Variants in FBN2 observed in about 807,000 individuals in gnomAD.
FBN2 encodes fibrillin-2.
A neutral mutation model predicts 355.6 loss-of-function variants in FBN2; 105 were observed. The ratio of observed to expected loss-of-function variants is 0.30; its 90% CI spans 0.25 to 0.35. The LOEUF is 0.35. Among genes scored for constraint, FBN2 ranks in the 10% least tolerant of loss-of-function variants. FBN2 has a pLI of 1.00. For missense variants in FBN2, 3,280 were observed against 3,758.7 expected, an observed-to-expected ratio of 0.87 and a Z score of 3.33; for synonymous variants, 1,350 against 1,301.2, an observed-to-expected ratio of 1.04 and a Z score of -0.81.
intron 8 of FBN2, among the ~76,000 whole-genome samples, chr5:128,401,251 G>A (rs1207175178): frequency 6.6e-6 from 1 of 152,076 alleles, no homozygotes; most frequent in Non-Finnish European, 1.5e-5. Context: ...ATTGAGAGGG[G>A]TTCACAAATG....
intron 5 of FBN2, among the ~76,000 whole-genome samples, chr5:128,466,962 G>A (rs115375165): frequency 0.031 from 4,716 of 152,150 alleles, 105 homozygotes; most frequent in South Asian, 0.059. Flanking sequence ...TTCTGAATAC[G>A]TGGGGAAAAG....
At position 128,332,873 on chromosome 5, in the gene FBN2, T is replaced by A. The variant is rs769811621; in HGVS notation, c.4222+39A>T. The A allele has an allele frequency of 1.9e-6, 3 of 1,608,520 alleles. No individual in the cohort carries two copies. The South Asian group carries it at 3.3e-5, about 18-fold the overall frequency. ...CATGCAAAAAAGAGCCTTTAAAAATTTGTGCCTTAGCAAAGGATATTTACA... is the reference window on the plus strand; with the variant it reads ...CATGCAAAAAAGAGCCTTTAAAAATATGTGCCTTAGCAAAGGATATTTACA... On this transcript the variant is annotated intron_variant, in intron 32 of 64. Transcript: ENST00000262464.
At chr5:128,517,630 A>G (rs570101020) in intron 5 of FBN2, among the ~76,000 whole-genome samples, 1 of 152,298 alleles carries the variant, frequency 6.6e-6, no homozygotes, top group South Asian at 2.1e-4. Context: ...TATGTGAAAA[A>G]GATTTTACTT....
rs141378717 is a variant in FBN2 at position 128,302,784 on chromosome 5, C to G, written c.5917+189G>C. On this transcript the variant is annotated intron_variant, in intron 46 of 64. Coordinates refer to ENST00000262464, the MANE Select transcript of FBN2 (RefSeq NM_001999.4). ...ACAAAAGGATTCAAGAGTATATTGT[C>G]TTGTGACAATTTAGGCCAATACTAT... Among the ~76,000 whole-genome samples, 205 of 152,172 alleles carry G rather than the reference C, an allele frequency of 1.3e-3. 1 individual carries two copies. Among genetic ancestry groups the G allele is most frequent in the African/African-American group, 4.7e-3 (194 of 41,540 alleles).
rs550135073 is a variant in FBN2 at position 128,516,798 on chromosome 5, C to T, written c.628+2475G>A. ...CAACATAAGTGAGTTACTCTTTTTG[C>T]ATCCACACAGACACAATGTTTCTTG... On this transcript the variant is annotated intron_variant, in intron 5 of 64. Transcript: ENST00000262464. Among the ~76,000 whole-genome samples the T allele has an allele frequency of 3.3e-5, 5 of 152,200 alleles. No homozygotes were observed. In the South Asian group the frequency reaches 6.2e-4, roughly 19 times the overall value.
intron 5 of FBN2, among the ~76,000 whole-genome samples, chr5:128,478,871 T>C (rs1046056259): frequency 4.6e-5 from 7 of 152,160 alleles, no homozygotes; most frequent in African/African-American, 1.2e-4. Flanking sequence ...GAGGAGGCTA[T>C]AGTAGGCAGC....
chr5:128,498,094 A>T (rs1280959605), intron 5 of FBN2, among the ~76,000 whole-genome samples: 1 of 152,152 alleles, frequency 6.6e-6, no homozygotes, highest in Non-Finnish European at 1.5e-5. Context: ...ATTACTGGGA[A>T]TGCAGAGGGC....
chr5:128,504,490 C>T (rs1339455243), intron 5 of FBN2, among the ~76,000 whole-genome samples: 2 of 152,214 alleles, frequency 1.3e-5, no homozygotes, highest in Non-Finnish European at 1.5e-5. Flanking sequence ...GGACCCACCT[C>T]TTGCTTCAGC....
At chr5:128,293,128 C>A (rs10043236) in intron 48 of FBN2, among the ~76,000 whole-genome samples, 7,168 of 152,110 alleles carry the variant, frequency 0.047, 591 homozygotes, top group African/African-American at 0.16. Context: ...ATATCTATGT[C>A]TGTGTATGTG....
rs1182215698 is a variant in FBN2, at chr5:128,393,185, C to G, written c.1415G>C (p.Gly472Ala). The G allele has an allele frequency of 1.2e-6, 2 of 1,614,068 alleles. No individual in the cohort carries two copies. The highest frequency in any genetic ancestry group is 8.5e-7 in the Non-Finnish European group (1 of 1,180,036). ...TCCCCCGGCCCCCACACCGGCTCCCCCAACGCCAGGAGAAAAGCCATTGCC... is the reference window on the plus strand; with the variant it reads ...TCCCCCGGCCCCCACACCGGCTCCCGCAACGCCAGGAGAAAAGCCATTGCC... ...PGGNGFSPGV[G>A]GAGVGAGGQG... The change falls in exon 10 of 65, where the codon GGG (glycine) becomes GCG (alanine). Residue 472 changes from glycine (G) to alanine (A), a missense_variant. Physicochemically the swap from Gly to Ala is moderately conservative, Grantham distance 60. Transcript: ENST00000262464.
At chr5:128,506,893 A>G (rs1755976729) in intron 5 of FBN2, among the ~76,000 whole-genome samples, 1 of 152,160 alleles carries the variant, frequency 6.6e-6, no homozygotes, top group South Asian at 2.1e-4. Flanking sequence ...ATTTGTTCAT[A>G]TAGTGAAACA....
intron 5 of FBN2, among the ~76,000 whole-genome samples, chr5:128,481,796 G>A (rs1755197781): frequency 6.6e-6 from 1 of 152,046 alleles, no homozygotes; most frequent in East Asian, 1.9e-4. Context: ...CTTTACTTGA[G>A]TTTCTATAAA....
intron 5 of FBN2, among the ~76,000 whole-genome samples, chr5:128,502,699 T>C (rs1268392597): frequency 1.3e-5 from 2 of 152,174 alleles, no homozygotes; most frequent in Non-Finnish European, 2.9e-5. Context: ...AGTATTTTAA[T>C]CAGATTTTAA....
At chr5:128,526,117 TAAATAG>T (rs913423634) in intron 4 of FBN2, among the ~76,000 whole-genome samples, 7 of 152,124 alleles carry the variant, frequency 4.6e-5, no homozygotes, top group Admixed American at 4.6e-4. Flanking sequence ...ATAGCACTTA[TAAATAG>T]AAAGTTATAA....
At chr5:128,328,321 A>G (rs1750607507) in intron 34 of FBN2, 2 of 458,336 alleles carry the variant, frequency 4.4e-6, no homozygotes, top group East Asian at 8.2e-5. Context: ...TGAGCTTTTT[A>G]TGATTTTGAT....
At chr5:128,461,507 A>G (rs1754555230) in intron 6 of FBN2, among the ~76,000 whole-genome samples, 1 of 152,220 alleles carries the variant, frequency 6.6e-6, no homozygotes, top group South Asian at 2.1e-4. Flanking sequence ...GTGGGTGTAT[A>G]CCCAATGAAT....
chr5:128,308,119 G>A (rs1373918154), intron 41 of FBN2, among the ~76,000 whole-genome samples: 1 of 152,022 alleles, frequency 6.6e-6, no homozygotes, highest in African/African-American at 2.4e-5. Context: ...TTTTATACAT[G>A]AGAAATTAGT....
chr5:128,289,520 T>C (rs1401233148), intron 51 of FBN2, among the ~76,000 whole-genome samples: 1 of 151,956 alleles, frequency 6.6e-6, no homozygotes, highest in African/African-American at 2.4e-5. Flanking sequence ...ACCCAGGAAG[T>C]GGAGGTTGCA....
chr5:128,328,581 G>C, intron 34 of FBN2, 115 bp downstream of exon 34: 1 of 1,059,690 alleles, frequency 9.4e-7, no homozygotes, highest in Non-Finnish European at 1.4e-6. Context: ...GACTTTTATA[G>C]TGCAGCATGT....
Sources: allele counts gnomAD v4.1 joint callset (sites outside exome capture counted in the v4.1 genomes callset), GRCh38; gene constraint gnomAD v4.1.1; transcripts MANE v1.5; gene names NCBI Gene and HGNC (gene_info 2026-07-23, HGNC 2026-07-21).